ATXN8OS: variants seen among roughly 807,000 people sequenced by gnomAD.
ATXN8OS encodes ATXN8 opposite strand (non-protein coding).
chr13:70,146,760 G>C (rs551811643), intron 3 of ATXN8OS, among the ~76,000 whole-genome samples: 30 of 148,124 alleles, frequency 2.0e-4, no homozygotes, highest in Non-Finnish European at 3.7e-4. Context: ...TCTGGGAACT[G>C]TTGTGGGGTC....
intron 2 of ATXN8OS, among the ~76,000 whole-genome samples, chr13:70,120,660 G>A (rs375671609): frequency 1.3e-5 from 2 of 152,138 alleles, no homozygotes; most frequent in East Asian, 1.9e-4. Context: ...ACCATTTGGT[G>A]AGGTGGAAAA....
chr13:70,151,352 G>T (rs573400472), intron 4 of ATXN8OS, among the ~76,000 whole-genome samples: 183 of 152,136 alleles, frequency 1.2e-3, no homozygotes, highest in Admixed American at 2.7e-3. Flanking sequence ...TTCTGAGTTA[G>T]ACTATTTTAG....
At chr13:70,130,466 T>C (rs1008707281) in intron 3 of ATXN8OS, among the ~76,000 whole-genome samples, 2 of 152,174 alleles carry the variant, frequency 1.3e-5, no homozygotes, top group Non-Finnish European at 2.9e-5. Flanking sequence ...TTGGAGAGAC[T>C]AAAATGTAAA....
chr13:70,139,351 TTACTACTAC>T lies in ATXN8OS; in HGVS notation n.500-7978_500-7970del, dbSNP rs375568204. The T allele has an allele frequency of 5.7e-4, 312 of 548,192 alleles. 50 individuals are homozygous for T. Among genetic ancestry groups the T allele is most frequent in the Admixed American group, 1.2e-3 (42 of 34,098 alleles). 34.0% of individuals were successfully genotyped at this position (548,192 alleles called of 1,614,324 possible). On this transcript the variant is annotated intron_variant and non_coding_transcript_variant, in intron 3 of 4. Coordinates refer to ENST00000678624, the Ensembl canonical transcript of ATXN8OS. ...GTCCTTCATGTTAGAAAACCTGGCT[TTACTACTAC>T]TACTACTACTACTACTACTACTACT...
rs372301107 is a variant in ATXN8OS, at chr13:70,150,376, TAAC to T, written n.573+2954_573+2956del. ...TGATGAGCTTGGGTTTGAACAAGGG[TAAC>T]AACAATTGCCTAGGAATATATTACA... is the stretch of plus-strand genomic sequence containing the variant. On this transcript the variant is annotated intron_variant and non_coding_transcript_variant, in intron 4 of 4. Coordinates refer to ENST00000678624, the Ensembl canonical transcript of ATXN8OS. 1.5e-3 allele frequency among the ~76,000 whole-genome samples: 225 copies of T among 152,174 alleles called. 1 individual carries two copies. Among genetic ancestry groups the T allele is most frequent in the Middle Eastern group, 6.8e-3 (2 of 294 alleles).
chr13:70,121,373 T>C (rs1167736220), intron 2 of ATXN8OS, among the ~76,000 whole-genome samples: 5 of 152,050 alleles, frequency 3.3e-5, no homozygotes, highest in Admixed American at 2.0e-4. Flanking sequence ...TTTCATAGCA[T>C]AGAGTTTGAT....
At chr13:70,165,102 A>C (rs1889063127) in intron 4 of ATXN8OS, among the ~76,000 whole-genome samples, 1 of 152,014 alleles carries the variant, frequency 6.6e-6, no homozygotes, top group Admixed American at 6.6e-5. Context: ...TTAAGAAAGA[A>C]ATTACACAAA....
intron 1 of ATXN8OS, among the ~76,000 whole-genome samples, chr13:70,114,024 T>C (rs1443405262): frequency 2.0e-5 from 3 of 152,224 alleles, no homozygotes; most frequent in Non-Finnish European, 4.4e-5. Flanking sequence ...AGTACTGTGA[T>C]TTTTATTTCA....
At chr13:70,164,345 T>G (rs1889053126) in intron 4 of ATXN8OS, among the ~76,000 whole-genome samples, 1 of 151,696 alleles carries the variant, frequency 6.6e-6, no homozygotes, top group Non-Finnish European at 1.5e-5. Flanking sequence ...CTCCTCCTCT[T>G]TCTCTTTACA....
At chr13:70,170,148 T>A (rs1222569213) in exon 5 of ATXN8OS, among the ~76,000 whole-genome samples, 3 of 152,154 alleles carry the variant, frequency 2.0e-5, no homozygotes, top group African/African-American at 7.2e-5. Flanking sequence ...AGCTATCACA[T>A]GCTTGCCTAG....
intron 3 of ATXN8OS, among the ~76,000 whole-genome samples, chr13:70,146,523 A>G (rs1047755929): frequency 6.6e-6 from 1 of 152,202 alleles, no homozygotes; most frequent in Non-Finnish European, 1.5e-5. Context: ...CCAAATGTCC[A>G]ACAACGATAG....
chr13:70,170,944 C>A (rs1889138210), exon 5 of ATXN8OS, among the ~76,000 whole-genome samples: 1 of 151,906 alleles, frequency 6.6e-6, no homozygotes, highest in African/African-American at 2.4e-5. Flanking sequence ...GTATGTGTAT[C>A]TAAACGTATG....
intron 2 of ATXN8OS, among the ~76,000 whole-genome samples, chr13:70,128,017 CTATTT>C (rs1888468197): frequency 6.6e-6 from 1 of 151,668 alleles, no homozygotes; most frequent in Non-Finnish European, 1.5e-5. Flanking sequence ...ATTTATTTTA[CTATTT>C]TATTAAATTA....
chr13:70,135,148 T>G (rs1474223312), intron 3 of ATXN8OS, among the ~76,000 whole-genome samples: 1 of 152,186 alleles, frequency 6.6e-6, no homozygotes, highest in Non-Finnish European at 1.5e-5. Flanking sequence ...GCCTGACTTT[T>G]TCTTTATTAT....
At chr13:70,130,415 A>G (rs1888514689) in intron 3 of ATXN8OS, among the ~76,000 whole-genome samples, 1 of 152,226 alleles carries the variant, frequency 6.6e-6, no homozygotes, top group African/African-American at 2.4e-5. Flanking sequence ...ACAAAAGTTC[A>G]TATTAACATA....
intron 3 of ATXN8OS, among the ~76,000 whole-genome samples, chr13:70,131,811 A>G (rs1008643380): frequency 6.6e-6 from 1 of 152,138 alleles, no homozygotes; most frequent in African/African-American, 2.4e-5. Context: ...TGTAAACTCA[A>G]TGCAAGCTGA....
rs1888520636 is a variant in ATXN8OS, at chr13:70,130,770, A to G, written n.499+886A>G. On this transcript the variant is annotated intron_variant and non_coding_transcript_variant, in intron 3 of 4. Coordinates refer to ENST00000678624, the Ensembl canonical transcript of ATXN8OS. ...CGACAAGTGTTCTGTGTTTCTAATA[A>G]TAAAACAGACTTCACCTCGGAGTAC... 3 of 398,528 alleles carry G rather than the reference A, an allele frequency of 7.5e-6. No homozygotes were observed. In the East Asian group the frequency reaches 1.1e-4, roughly 14 times the overall value. 24.7% of individuals were successfully genotyped at this position (398,528 alleles called of 1,614,324 possible). A position where few individuals can be genotyped will look rare whatever the true frequency, so the allele number is the denominator to read the frequency against.
chr13:70,124,700 C>G (rs1888404148), intron 2 of ATXN8OS, among the ~76,000 whole-genome samples: 1 of 151,772 alleles, frequency 6.6e-6, no homozygotes, highest in Non-Finnish European at 1.5e-5. Flanking sequence ...GTTTTTTTTC[C>G]CCGGAAATCT....
chr13:70,137,952 C>T (rs1179511545), intron 3 of ATXN8OS, among the ~76,000 whole-genome samples: 1 of 152,138 alleles, frequency 6.6e-6, no homozygotes, highest in Non-Finnish European at 1.5e-5. Flanking sequence ...GCACATTTTA[C>T]CATGGTGGAG....
Sources: gnomAD v4.1 joint callset for allele counts (sites outside exome capture counted in the v4.1 genomes callset) on GRCh38, gnomAD v4.1.1 for gene constraint, MANE v1.5 for transcripts, NCBI Gene and HGNC (gene_info 2026-07-23, HGNC 2026-07-21) for gene names.